Variants in NRXN1 observed in about 807,000 individuals in gnomAD.
NRXN1 encodes neurexin-1.
In NRXN1, 39 loss-of-function variants were observed where a neutral mutation model predicts 150.9. That is an observed-to-expected ratio of 0.26 (90% CI 0.20 to 0.34). NRXN1 has a LOEUF of 0.34. NRXN1 is among the 10% of genes least tolerant of loss of function. NRXN1 has a pLI of 1.00. For missense variants in NRXN1, 1,815 were observed against 1,949.9 expected (o/e 0.93, Z 1.30); for synonymous variants, 924 against 757.0 (o/e 1.22, Z -3.62).
intron 5 of NRXN1, among the ~76,000 whole-genome samples, chr2:50,777,953 T>C (rs1332216010): frequency 6.6e-6 from 1 of 152,202 alleles, no homozygotes; most frequent in East Asian, 1.9e-4. Flanking sequence ...TAGATAATAC[T>C]ATCATTTCCA....
At chr2:49,952,167 T>G (rs1674085512) in intron 21 of NRXN1, among the ~76,000 whole-genome samples, 1 of 152,028 alleles carries the variant, frequency 6.6e-6, no homozygotes, top group Admixed American at 6.6e-5. Context: ...CCCAGATGAC[T>G]TCTACCTATC....
At chr2:50,191,830 C>T (rs534247380) in intron 18 of NRXN1, among the ~76,000 whole-genome samples, 2 of 152,112 alleles carry the variant, frequency 1.3e-5, no homozygotes, top group South Asian at 4.1e-4. Flanking sequence ...GTGCATAACA[C>T]ATTTTAATAC....
At chr2:50,795,600 A>G (rs532170640) in intron 5 of NRXN1, among the ~76,000 whole-genome samples, 1 of 150,590 alleles carries the variant, frequency 6.6e-6, no homozygotes, top group South Asian at 2.1e-4. Context: ...CCTCCCATAT[A>G]ATTCTGTAAC....
intron 5 of NRXN1, among the ~76,000 whole-genome samples, chr2:50,707,391 T>C (rs1292565050): frequency 6.6e-6 from 1 of 152,202 alleles, no homozygotes; most frequent in Non-Finnish European, 1.5e-5. Context: ...AAAAGTGCAG[T>C]GCTGGTTCTT....
At chr2:50,291,671 T>A (rs1206522382) in intron 17 of NRXN1, among the ~76,000 whole-genome samples, 1 of 152,190 alleles carries the variant, frequency 6.6e-6, no homozygotes, top group Non-Finnish European at 1.5e-5. Flanking sequence ...TCAGACATAC[T>A]GTTCTGCTAT....
chr2:50,341,733 A>T (rs1287290842), intron 17 of NRXN1, among the ~76,000 whole-genome samples: 1 of 152,224 alleles, frequency 6.6e-6, no homozygotes, highest in Admixed American at 6.5e-5. Context: ...TTGTTAGAAA[A>T]AATATATGCA....
At chr2:50,455,519 T>C (rs1414251533) in intron 17 of NRXN1, among the ~76,000 whole-genome samples, 1 of 152,200 alleles carries the variant, frequency 6.6e-6, no homozygotes, top group African/African-American at 2.4e-5. Context: ...ATTTACAGAA[T>C]TACTGTCACT....
At chr2:50,363,897 A>G (rs2079400329) in intron 17 of NRXN1, among the ~76,000 whole-genome samples, 1 of 152,208 alleles carries the variant, frequency 6.6e-6, no homozygotes, top group Non-Finnish European at 1.5e-5. Flanking sequence ...ACACCATGGA[A>G]TACTATGCAG....
intron 19 of NRXN1, among the ~76,000 whole-genome samples, chr2:50,063,425 T>G (rs1159307903): frequency 6.6e-6 from 1 of 152,048 alleles, no homozygotes; most frequent in East Asian, 1.9e-4. Flanking sequence ...CTCTTTAAAT[T>G]AGTCACTTTG....
intron 18 of NRXN1, among the ~76,000 whole-genome samples, chr2:50,148,410 A>G (rs770157049): frequency 6.6e-6 from 1 of 151,606 alleles, no homozygotes; most frequent in African/African-American, 2.4e-5. Context: ...ACATTGCTCA[A>G]ACAATATTAG....
intron 13 of NRXN1, among the ~76,000 whole-genome samples, chr2:50,506,008 C>G (rs543657972): frequency 6.6e-6 from 1 of 152,056 alleles, no homozygotes; most frequent in Non-Finnish European, 1.5e-5. Context: ...AGAATTTAAC[C>G]AACTGAGCTG....
chr2:50,045,541 C>A (rs999940588), intron 21 of NRXN1, among the ~76,000 whole-genome samples: 2 of 152,010 alleles, frequency 1.3e-5, no homozygotes, highest in African/African-American at 4.8e-5. Context: ...TCCTTCCCCT[C>A]ACAGACAATG....
chr2:50,947,786 C>G (rs1690634778), intron 2 of NRXN1, among the ~76,000 whole-genome samples: 1 of 151,920 alleles, frequency 6.6e-6, no homozygotes, highest in Non-Finnish European at 1.5e-5. Flanking sequence ...CCCTCATTTC[C>G]AGTGAAATAG....
chr2:50,674,861 T>A (rs1047080266), intron 5 of NRXN1, among the ~76,000 whole-genome samples: 6 of 152,066 alleles, frequency 3.9e-5, no homozygotes, highest in Admixed American at 1.3e-4. Flanking sequence ...ATGGAAGAAC[T>A]AAATGAAAAT....
At chr2:50,059,208 C>G (rs1481035176) in intron 19 of NRXN1, among the ~76,000 whole-genome samples, 2 of 152,082 alleles carry the variant, frequency 1.3e-5, no homozygotes, top group African/African-American at 4.8e-5. Flanking sequence ...TTATTGGGAA[C>G]TGGAGCAAAG....
At chr2:50,548,620 T>C (rs1252862161) in intron 9 of NRXN1, among the ~76,000 whole-genome samples, 1 of 152,110 alleles carries the variant, frequency 6.6e-6, no homozygotes, top group East Asian at 1.9e-4. Context: ...TTATACCAAA[T>C]ATATACTGAA....
intron 17 of NRXN1, among the ~76,000 whole-genome samples, chr2:50,384,694 C>T (rs756837062): frequency 6.6e-6 from 1 of 152,090 alleles, no homozygotes; most frequent in Non-Finnish European, 1.5e-5. Flanking sequence ...GTTGTCCCAA[C>T]ATTTTCTTTA....
At position 50,357,634 on chromosome 2, in the gene NRXN1, C is replaced by G. The variant is rs112028784; in HGVS notation, c.3364+107808G>C. 2.0e-3 allele frequency among the ~76,000 whole-genome samples: 306 copies of G among 152,176 alleles called. 1 individual carries two copies. Among genetic ancestry groups the G allele is most frequent in the African/African-American group, 7.1e-3 (294 of 41,508 alleles). On this transcript the variant is annotated intron_variant, in intron 17 of 22. Coordinates refer to ENST00000401669, the MANE Select transcript of NRXN1 (RefSeq NM_001330078.2). ...TATTTTTATTTATTTATGTGCTATT[C>G]TCATATTGAAGGGAGAGGCAAATTT...
intron 17 of NRXN1, among the ~76,000 whole-genome samples, chr2:50,389,324 AAT>A: frequency 6.6e-6 from 1 of 150,474 alleles, no homozygotes; most frequent in Non-Finnish European, 1.5e-5. Context: ...TATGGAATAA[AAT>A]ATGAACACCA....
Sources: allele counts gnomAD v4.1 joint callset (sites outside exome capture counted in the v4.1 genomes callset), GRCh38; gene constraint gnomAD v4.1.1; transcripts MANE v1.5; gene names NCBI Gene and HGNC (gene_info 2026-07-23, HGNC 2026-07-21).